INKA2: variants seen among roughly 807,000 people sequenced by gnomAD.
INKA2 encodes PAK4-inhibitor INKA2.
A neutral mutation model predicts 9.8 loss-of-function variants in INKA2; 3 were observed. The observed-to-expected ratio is 0.31, with a 90% CI of 0.14 to 0.79. The LOEUF (loss-of-function observed/expected upper bound fraction) is 0.79. INKA2 is among the 30% of genes least tolerant of loss of function. The pLI is 0.62. For missense variants in INKA2, 392 were observed against 384.4 expected (o/e 1.02, Z -0.17); for synonymous variants, 147 against 143.3 (o/e 1.03, Z -0.18).
At chr1:111,742,134 C>T (rs1663163414), upstream of INKA2, among the ~76,000 whole-genome samples, 1 of 152,180 alleles carries the variant, frequency 6.6e-6, no homozygotes, top group African/African-American at 2.4e-5. Flanking sequence ...AAGAAGTGGG[C>T]TGATCTCTTG....
chr1:111,729,070 G>A (rs1662851017), intron 1 of INKA2, among the ~76,000 whole-genome samples: 1 of 152,116 alleles, frequency 6.6e-6, no homozygotes, highest in Non-Finnish European at 1.5e-5. Flanking sequence ...TGTGCTGCCT[G>A]CACCCAGAGC....
chr1:111,748,000 C>T (rs1663311252), intron 1 of INKA2, among the ~76,000 whole-genome samples: 1 of 152,164 alleles, frequency 6.6e-6, no homozygotes, highest in African/African-American at 2.4e-5. Context: ...AATATCTCTC[C>T]CACCTCTCCC....
In INKA2 at chr1:111,739,367, C is replaced by T; in HGVS notation, c.-125G>A. On this transcript the variant is annotated 5_prime_UTR_variant, in exon 1 of 2. Coordinates refer to ENST00000357260, the MANE Select transcript of INKA2 (RefSeq NM_019099.5). Reference sequence around the variant, plus strand: ...GTAGCGCTCGCAGCGCGGAGCTGAGCCTGCGCTCCGAGCCCGGGACTCAGA... The same window carrying T: ...GTAGCGCTCGCAGCGCGGAGCTGAGTCTGCGCTCCGAGCCCGGGACTCAGA... 6.5e-7 allele frequency: 1 copy of T among 1,530,034 alleles called. No homozygotes were observed. Among genetic ancestry groups the T allele is most frequent in the African/African-American group, 1.4e-5 (1 of 71,560 alleles). 94.8% of individuals were successfully genotyped at this position (1,530,034 alleles called of 1,614,324 possible). A position where few individuals can be genotyped will look rare whatever the true frequency, so the allele number is the denominator to read the frequency against.
chr1:111,745,310 T>A (rs1663249287), intron 1 of INKA2: 2 of 130,106 alleles, frequency 1.5e-5, no homozygotes, highest in African/African-American at 6.0e-5. Context: ...TTTTTTTTTT[T>A]TTTTGAGACA....
chr1:111,732,348 C>A (rs1222064812), intron 1 of INKA2, among the ~76,000 whole-genome samples: 1 of 152,114 alleles, frequency 6.6e-6, no homozygotes, highest in African/African-American at 2.4e-5. Flanking sequence ...CTCAGATAGA[C>A]AAAATCCCGA....
chr1:111,752,889 A>G (rs1199280744), intron 1 of INKA2, among the ~76,000 whole-genome samples: 2 of 151,982 alleles, frequency 1.3e-5, no homozygotes, highest in Non-Finnish European at 2.9e-5. Flanking sequence ...TAGTAGAGAC[A>G]GGGTTTCACC....
chr1:111,726,863 G>C lies in INKA2; in HGVS notation c.*105C>G, dbSNP rs79913188. The C allele has an allele frequency of 0.016, 18,215 of 1,135,914 alleles. 228 individuals are homozygous for C. Among genetic ancestry groups the C allele is most frequent in the Non-Finnish European group, 0.017 (13,785 of 788,060 alleles). 70.4% of individuals were successfully genotyped at this position (1,135,914 alleles called of 1,614,324 possible). The stretch of plus-strand genomic sequence containing the variant: ...CCCGCTTTCTGGGGGAAAGGAACTT[G>C]GAGTTGGGCTTTCGAGAGCCATACC... On this transcript the variant is annotated 3_prime_UTR_variant, in exon 2 of 2. Transcript: ENST00000357260.
At chr1:111,739,477 TGTC>T (rs1663093317), upstream of INKA2, 1 of 1,371,900 alleles carries the variant, frequency 7.3e-7, no homozygotes, top group Admixed American at 3.0e-5. Context: ...TCAGGGGGGC[TGTC>T]TTCAGCCAAT....
intron 1 of INKA2, among the ~76,000 whole-genome samples, chr1:111,730,673 A>T (rs1662885676): frequency 6.6e-6 from 1 of 152,134 alleles, no homozygotes; most frequent in African/African-American, 2.4e-5. Context: ...GATATTTAAT[A>T]TACTCTTCCC....
intron 1 of INKA2, among the ~76,000 whole-genome samples, chr1:111,751,632 C>T (rs1347121064): frequency 6.6e-6 from 1 of 152,134 alleles, no homozygotes; most frequent in Non-Finnish European, 1.5e-5. Context: ...GGATAAAGTC[C>T]AGACACCAAC....
chr1:111,739,418 C>A (rs1663091158), upstream of INKA2: 9 of 1,464,264 alleles, frequency 6.1e-6, no homozygotes, highest in Non-Finnish European at 8.1e-6. Flanking sequence ...GCTAGCCGCG[C>A]GCGGTCGGTG....
intron 1 of INKA2, among the ~76,000 whole-genome samples, 185 bp downstream of exon 1, chr1:111,739,001 T>C (rs1350046889): frequency 6.6e-6 from 1 of 152,040 alleles, no homozygotes; most frequent in Non-Finnish European, 1.5e-5. Context: ...TTGCTCAAAG[T>C]TTCTTCGTGG....
At chr1:111,755,702 A>G in exon 1 of INKA2, 2 of 1,613,690 alleles carry the variant, frequency 1.2e-6, no homozygotes, top group Middle Eastern at 1.7e-4. Flanking sequence ...GCGACTCACC[A>G]GTTGCCTCAT....
intron 1 of INKA2, among the ~76,000 whole-genome samples, chr1:111,735,815 TA>T (rs1662997037): frequency 6.6e-6 from 1 of 152,184 alleles, no homozygotes; most frequent in Non-Finnish European, 1.5e-5. Context: ...TTGTGGCCAC[TA>T]AAAGCTAGAG....
upstream of INKA2, among the ~76,000 whole-genome samples, chr1:111,742,546 T>C (rs1388478441): frequency 6.6e-6 from 1 of 152,250 alleles, no homozygotes; most frequent in African/African-American, 2.4e-5. Flanking sequence ...ATCGCGCCAC[T>C]GCACTGTAGC....
chr1:111,750,190 G>C (rs1364090888), intron 1 of INKA2, among the ~76,000 whole-genome samples: 1 of 152,214 alleles, frequency 6.6e-6, no homozygotes, highest in African/African-American at 2.4e-5. Context: ...CCTGAGGGAG[G>C]ATCACCTGGG....
At chr1:111,733,811 G>A (rs1228571475) in intron 1 of INKA2, among the ~76,000 whole-genome samples, 1 of 152,136 alleles carries the variant, frequency 6.6e-6, no homozygotes, top group Non-Finnish European at 1.5e-5. Context: ...CCCTCCCCTG[G>A]GCCCCGACTG....
intron 1 of INKA2, 164 bp from the exon 2 acceptor site, chr1:111,727,968 G>T: frequency 1.5e-6 from 1 of 656,844 alleles, no homozygotes; most frequent in Non-Finnish European, 2.6e-6. Flanking sequence ...ATCAGTGCTG[G>T]GTAAAGGAAA....
chr1:111,733,437 C>T (rs1285975030), intron 1 of INKA2, among the ~76,000 whole-genome samples: 1 of 152,242 alleles, frequency 6.6e-6, no homozygotes, highest in African/African-American at 2.4e-5. Context: ...AACCCCTGAC[C>T]TCTTAGCCTC....
Sources: gnomAD v4.1 joint callset for allele counts (sites outside exome capture counted in the v4.1 genomes callset) on GRCh38, gnomAD v4.1.1 for gene constraint, MANE v1.5 for transcripts, NCBI Gene and HGNC (gene_info 2026-07-23, HGNC 2026-07-21) for gene names.